Variants in CTBP2 observed in about 807,000 individuals in gnomAD.
CTBP2 encodes the protein C-terminal binding protein 2.
Under a neutral mutation model 80.3 loss-of-function variants are expected in CTBP2, and 30 were observed. The observed-to-expected ratio is 0.37, with a 90% CI of 0.28 to 0.51. The LOEUF (loss-of-function observed/expected upper bound fraction) is 0.51. Among genes scored for constraint, CTBP2 ranks in the 20% least tolerant of loss-of-function variants. CTBP2 has a pLI of 0.93. For missense variants in CTBP2, 1,212 were observed against 1,375.3 expected (o/e 0.88, Z 1.88); for synonymous variants, 594 against 587.4 (o/e 1.01, Z -0.16).
At chr10:125,057,870 A>C (rs1157573662) in intron 2 of CTBP2, among the ~76,000 whole-genome samples, 2 of 151,946 alleles carry the variant, frequency 1.3e-5, no homozygotes, top group African/African-American at 4.8e-5. Context: ...ACTTCGTTAC[A>C]CTCTGACGCA....
chr10:124,997,887 G>A, intron 4 of CTBP2, 77 bp downstream of exon 6: 6 of 1,470,920 alleles, frequency 4.1e-6, no homozygotes, highest in Non-Finnish European at 5.5e-6. Context: ...GGCTGGGGTT[G>A]CCTTTCCCGA....
Position 125,027,541 on chromosome 10 carries a change from C to T in CTBP2, c.219G>A (p.Glu73=), listed in dbSNP as rs1161495397. 2 of 1,614,044 alleles carry T rather than the reference C, an allele frequency of 1.2e-6. No individual in the cohort carries two copies. The highest frequency in any genetic ancestry group is 1.3e-5 in the African/African-American group (1 of 74,986). Residue 73 remains glutamate, a synonymous_variant, in exon 1 of 9, where the codon GAG becomes GAA. Transcript: ENST00000309035. ...TTGCAGCCACTGAGTTATAAACGGC[C>T]TCCCGGTACAGGTAGGGCTCGGCGG...
intron 1 of CTBP2, among the ~76,000 whole-genome samples, chr10:125,120,571 G>A (rs1854149249): frequency 6.6e-6 from 1 of 152,174 alleles, no homozygotes. Context: ...ATTTTCTGCA[G>A]AGACAGGGTT....
chr10:125,131,333 C>T (rs560499339), intron 1 of CTBP2, among the ~76,000 whole-genome samples: 69 of 152,280 alleles, frequency 4.5e-4, no homozygotes, highest in African/African-American at 1.4e-3. Context: ...ACTTCTCCAA[C>T]GTTTGAAAAT....
At chr10:125,026,028 AC>A (rs935072964) in intron 1 of CTBP2, 3 of 1,520,680 alleles carry the variant, frequency 2.0e-6, no homozygotes, top group South Asian at 1.3e-5. Context: ...ACAACCCCGC[AC>A]CCCCCTGCTC....
intron 2 of CTBP2, among the ~76,000 whole-genome samples, chr10:125,110,329 T>C (rs1385206083): frequency 6.6e-6 from 1 of 152,226 alleles, no homozygotes; most frequent in Non-Finnish European, 1.5e-5. Flanking sequence ...CCAGGTTTTG[T>C]GAAAAATGGC....
rs115980199 is a variant in CTBP2 at position 125,109,828 on chromosome 10, C to T, written c.-102+1162G>A. ...CTGTTCGATTCACAGATAAGGCTTC[C>T]GAGTGCCAGCAGAGACCACTTGCTC... On this transcript the variant is annotated intron_variant, in intron 2 of 10. Coordinates refer to the CTBP2 transcript ENST00000337195. Among the ~76,000 whole-genome samples, 1,238 of 152,344 alleles carry T rather than the reference C, an allele frequency of 8.1e-3. 21 individuals carry two copies. The highest frequency in any genetic ancestry group is 0.029 in the African/African-American group (1,185 of 41,572).
upstream of CTBP2, among the ~76,000 whole-genome samples, chr10:125,030,827 G>C (rs527302651): frequency 3.0e-4 from 45 of 152,320 alleles, no homozygotes; most frequent in Admixed American, 2.7e-3. Flanking sequence ...CCCAACTGAA[G>C]GAACTTAAGG....
Position 125,027,926 on chromosome 10 carries a change from C to A in CTBP2, c.-167G>T. The stretch of plus-strand genomic sequence containing the variant: ...AGCATGGCCTGAATTATTAATCCTC[C>A]GAAACCTTAGCAGACAAAACATAAG... On this transcript the variant is annotated 5_prime_UTR_variant, in exon 1 of 9. Coordinates refer to ENST00000309035, the MANE Select transcript of CTBP2 (RefSeq NM_022802.3). The A allele has an allele frequency of 1.4e-6, 2 of 1,421,264 alleles. No individual in the cohort carries two copies. Among genetic ancestry groups the A allele is most frequent in the Non-Finnish European group, 9.2e-7 (1 of 1,092,206 alleles). 88.0% of individuals were successfully genotyped at this position (1,421,264 alleles called of 1,614,324 possible).
intron 1 of CTBP2, among the ~76,000 whole-genome samples, chr10:125,003,848 C>T (rs1954880286): frequency 7.1e-6 from 1 of 140,712 alleles, no homozygotes; most frequent in African/African-American, 2.9e-5. Flanking sequence ...AGCTGCCCCT[C>T]ACACACTATG....
At chr10:125,158,582 G>T (rs1477968238) in intron 1 of CTBP2, 1 of 152,042 alleles carries the variant, frequency 6.6e-6, no homozygotes, top group African/African-American at 2.4e-5. Context: ...AACTTAACCC[G>T]ATCTCCAATC....
intron 3 of CTBP2, among the ~76,000 whole-genome samples, chr10:125,035,051 T>C (rs928619918): frequency 3.3e-5 from 5 of 152,144 alleles, no homozygotes; most frequent in Admixed American, 1.3e-4. Flanking sequence ...CCATGGCAAG[T>C]TCAACCCACT....
chr10:125,149,779 G>A (rs995378706), intron 1 of CTBP2, among the ~76,000 whole-genome samples: 1 of 152,172 alleles, frequency 6.6e-6, no homozygotes, highest in East Asian at 1.9e-4. Flanking sequence ...GTCAACCTGG[G>A]AGCTCCCGCA....
At chr10:125,065,137 C>T (rs1381307266) in intron 2 of CTBP2, among the ~76,000 whole-genome samples, 2 of 152,176 alleles carry the variant, frequency 1.3e-5, no homozygotes, top group Non-Finnish European at 2.9e-5. Flanking sequence ...AACCACTCTG[C>T]ACAAAAACTG....
At chr10:125,161,904 G>T (rs983528259), upstream of CTBP2, among the ~76,000 whole-genome samples, 7 of 152,118 alleles carry the variant, frequency 4.6e-5, no homozygotes, top group Non-Finnish European at 8.8e-5. Flanking sequence ...GTTGGAGTCT[G>T]CACAGCGAGC....
chr10:125,098,208 G>A (rs1258768784), intron 2 of CTBP2, among the ~76,000 whole-genome samples: 9 of 152,116 alleles, frequency 5.9e-5, no homozygotes, highest in Admixed American at 3.3e-4. Flanking sequence ...TGCTATCCCC[G>A]TTTTCTTTTT....
At chr10:125,039,505 G>GT (rs1253835277) in intron 2 of CTBP2, among the ~76,000 whole-genome samples, 1 of 152,226 alleles carries the variant, frequency 6.6e-6, no homozygotes, top group East Asian at 1.9e-4. Context: ...CAGAGACCAA[G>GT]TGACAGCCAG....
At chr10:124,997,647 C>T in intron 4 of CTBP2, 1 of 428,852 alleles carries the variant, frequency 2.3e-6, no homozygotes, top group South Asian at 2.7e-5. Context: ...CAGCCCCTGC[C>T]CTTCACCCCT....
chr10:125,104,528 C>A (rs192184348), intron 2 of CTBP2, among the ~76,000 whole-genome samples: 109 of 152,310 alleles, frequency 7.2e-4, no homozygotes, highest in Admixed American at 1.5e-3. Context: ...GTTCGGGCTG[C>A]TTCTCAGGAT....
Sources: allele counts gnomAD v4.1 joint callset (sites outside exome capture counted in the v4.1 genomes callset), GRCh38; gene constraint gnomAD v4.1.1; transcripts MANE v1.5; gene names NCBI Gene and HGNC (gene_info 2026-07-23, HGNC 2026-07-21).